PXDNL: variants seen among roughly 807,000 people sequenced by gnomAD.
PXDNL encodes the protein peroxidasin like.
PXDNL carries 145 observed loss-of-function variants against 150.8 expected under a neutral mutation model. The observed-to-expected ratio is 0.96, with a 90% confidence interval of 0.84 to 1.10. PXDNL has a LOEUF of 1.10. Ranked by LOEUF, PXDNL falls within the 50% of genes least tolerant of loss-of-function variation. The pLI is 0.00. For missense variants in PXDNL, 2,087 were observed against 1,873.9 expected, an observed-to-expected ratio of 1.11 and a Z score of -2.10; for synonymous variants, 757 against 725.7, an observed-to-expected ratio of 1.04 and a Z score of -0.69.
At chr8:51,457,172 ATGAT>A (rs1272397714) in intron 9 of PXDNL, among the ~76,000 whole-genome samples, 5 of 152,218 alleles carry the variant, frequency 3.3e-5, no homozygotes, top group Admixed American at 3.3e-4. Flanking sequence ...TGATGAATGA[ATGAT>A]TGAATGAATT....
chr8:51,789,496 A>T (rs2037491420), intron 1 of PXDNL, among the ~76,000 whole-genome samples: 1 of 152,160 alleles, frequency 6.6e-6, no homozygotes, highest in Non-Finnish European at 1.5e-5. Flanking sequence ...AGAGGGAGAA[A>T]AAAAGGAAAA....
intron 2 of PXDNL, among the ~76,000 whole-genome samples, chr8:51,649,342 C>G (rs1026294683): frequency 1.3e-5 from 2 of 152,138 alleles, no homozygotes; most frequent in Non-Finnish European, 2.9e-5. Flanking sequence ...TGTTATGAGA[C>G]TTGAAACTTT....
At chr8:51,364,677 A>C (rs1806860886) in intron 19 of PXDNL, among the ~76,000 whole-genome samples, 1 of 152,218 alleles carries the variant, frequency 6.6e-6, no homozygotes, top group African/African-American at 2.4e-5. Context: ...TTCATGGTAC[A>C]TTTGTTGTCT....
intron 1 of PXDNL, among the ~76,000 whole-genome samples, chr8:51,769,711 C>G (rs183588332): frequency 6.6e-6 from 1 of 152,320 alleles, no homozygotes; most frequent in East Asian, 1.9e-4. Flanking sequence ...CTTGCTTGTT[C>G]TTAGTCACTT....
intron 2 of PXDNL, among the ~76,000 whole-genome samples, chr8:51,640,886 C>T (rs1391960976): frequency 4.6e-5 from 7 of 151,812 alleles, no homozygotes; most frequent in African/African-American, 7.3e-5. Context: ...AAAAAGAGCC[C>T]GCATCGCCAA....
rs558446607 is a variant in PXDNL at position 51,708,483 on chromosome 8, C to T, written c.165-53723G>A. Among the ~76,000 whole-genome samples, 3 of 152,208 alleles carry T rather than the reference C, an allele frequency of 2.0e-5. No homozygotes were observed. In the South Asian group the frequency reaches 6.2e-4, roughly 32 times the overall value. ...AAGAATAATGTAAAAGAAACAGAAC[C>T]CTTATGAACTTAAATTGTAGGAAAT... On this transcript the variant is annotated intron_variant, in intron 1 of 22. Coordinates refer to ENST00000356297, the MANE Select transcript of PXDNL (RefSeq NM_144651.5).
At chr8:51,709,771 T>C (rs538785042) in intron 1 of PXDNL, among the ~76,000 whole-genome samples, 190 of 152,328 alleles carry the variant, frequency 1.2e-3, no homozygotes, top group African/African-American at 4.2e-3. Flanking sequence ...TATATATGTA[T>C]GTACCAACAT....
At chr8:51,408,032 A>G (rs1808483533) in intron 17 of PXDNL, 35 bp downstream of exon 17, 1 of 1,545,398 alleles carries the variant, frequency 6.5e-7, no homozygotes, top group Admixed American at 2.0e-5. Context: ...CTCTCCTAAG[A>G]AATGTTTAAA....
chr8:51,393,985 T>C (rs771375759), intron 17 of PXDNL, among the ~76,000 whole-genome samples: 6 of 152,204 alleles, frequency 3.9e-5, no homozygotes, highest in Non-Finnish European at 8.8e-5. Flanking sequence ...AATAATATAG[T>C]GGCTAAAAGC....
intron 4 of PXDNL, among the ~76,000 whole-genome samples, chr8:51,531,045 G>A (rs934207492): frequency 5.9e-5 from 9 of 152,184 alleles, no homozygotes; most frequent in African/African-American, 1.7e-4. Context: ...TCCAAATACG[G>A]AAAGTTACTG....
chr8:51,345,101 C>G (rs115029742), intron 20 of PXDNL, among the ~76,000 whole-genome samples: 1 of 152,158 alleles, frequency 6.6e-6, no homozygotes, highest in South Asian at 2.1e-4. Flanking sequence ...AAATAGGATA[C>G]ATGGTTCCTT....
At chr8:51,435,062 T>C (rs1809358357) in intron 12 of PXDNL, among the ~76,000 whole-genome samples, 1 of 152,176 alleles carries the variant, frequency 6.6e-6, no homozygotes, top group African/African-American at 2.4e-5. Flanking sequence ...CTCAGGCCTG[T>C]AGTCACAGCA....
At chr8:51,787,003 G>A (rs908325870) in intron 1 of PXDNL, among the ~76,000 whole-genome samples, 2 of 151,210 alleles carry the variant, frequency 1.3e-5, no homozygotes, top group African/African-American at 2.4e-5. Flanking sequence ...CTTAGCCTAT[G>A]CCCTAGAAAT....
chr8:51,393,255 G>A lies in PXDNL; in HGVS notation c.3557+14812C>T, dbSNP rs192015290. 2.6e-3 allele frequency among the ~76,000 whole-genome samples: 390 copies of A among 152,300 alleles called. 2 individuals carry two copies. The highest frequency in any genetic ancestry group is 9.0e-3 in the African/African-American group (375 of 41,560). On this transcript the variant is annotated intron_variant, in intron 17 of 22. Transcript: ENST00000356297. The stretch of plus-strand genomic sequence containing the variant: ...ACTTACACATGGCACTCAGATGTGT[G>A]CATAGACTTAGCATCCAGGCAGTCT...
At chr8:51,346,733 T>C (rs1234414786) in intron 19 of PXDNL, among the ~76,000 whole-genome samples, 2 of 152,142 alleles carry the variant, frequency 1.3e-5, no homozygotes, top group Non-Finnish European at 2.9e-5. Context: ...CTCCCACTCA[T>C]GTCATGTGCC....
chr8:51,768,381 A>G (rs1246751284), intron 1 of PXDNL, among the ~76,000 whole-genome samples: 2 of 152,026 alleles, frequency 1.3e-5, no homozygotes, highest in Non-Finnish European at 2.9e-5. Context: ...GTAAACAGCT[A>G]GTTGATAATT....
At chr8:51,767,259 T>C (rs2129239940) in intron 1 of PXDNL, among the ~76,000 whole-genome samples, 1 of 152,084 alleles carries the variant, frequency 6.6e-6, no homozygotes, top group Admixed American at 6.5e-5. Flanking sequence ...TTTCTCTCTG[T>C]CTCTCCCCCT....
chr8:51,327,425 A>G (rs1365587909), intron 21 of PXDNL, among the ~76,000 whole-genome samples: 1 of 152,218 alleles, frequency 6.6e-6, no homozygotes. Flanking sequence ...GTTACGGAAA[A>G]TTTAGAAGAG....
chr8:51,536,648 T>A (rs1251063016), intron 4 of PXDNL, among the ~76,000 whole-genome samples: 1 of 152,026 alleles, frequency 6.6e-6, no homozygotes, highest in African/African-American at 2.4e-5. Flanking sequence ...TTAAATGCAT[T>A]TATTCTTTAA....
Sources: gnomAD v4.1 joint callset for allele counts (sites outside exome capture counted in the v4.1 genomes callset) on GRCh38, gnomAD v4.1.1 for gene constraint, MANE v1.5 for transcripts, NCBI Gene and HGNC (gene_info 2026-07-23, HGNC 2026-07-21) for gene names.